Variants in ARHGAP10 observed in about 807,000 individuals in gnomAD.
The protein encoded by ARHGAP10 is Rho GTPase activating protein 10.
In ARHGAP10, 87 loss-of-function variants were observed where a neutral mutation model predicts 108.6. That is an observed-to-expected ratio of 0.80 (90% CI 0.67 to 0.96). The LOEUF is 0.96. ARHGAP10 is among the 40% of genes least tolerant of loss of function. ARHGAP10 has a pLI of 0.00. For missense variants in ARHGAP10, 939 were observed against 954.5 expected (o/e 0.98, Z 0.21); for synonymous variants, 347 against 341.1 (o/e 1.02, Z -0.19).
At chr4:147,976,744 A>G (rs1739611348) in intron 18 of ARHGAP10, among the ~76,000 whole-genome samples, 1 of 152,058 alleles carries the variant, frequency 6.6e-6, no homozygotes, top group South Asian at 2.1e-4. Flanking sequence ...GGCTCTGTAA[A>G]TGGTAGATTG....
intron 18 of ARHGAP10, among the ~76,000 whole-genome samples, chr4:147,994,685 G>T (rs914885976): frequency 6.6e-6 from 1 of 152,140 alleles, no homozygotes; most frequent in African/African-American, 2.4e-5. Context: ...GATTGAAAAT[G>T]GAATTTATTT....
At position 147,913,061 on chromosome 4, in the gene ARHGAP10, C is replaced by G; in HGVS notation, c.1163-13C>G. 1 of 1,609,976 alleles carries G rather than the reference C, an allele frequency of 6.2e-7. No homozygotes were observed. The highest frequency in any genetic ancestry group is 8.5e-7 in the Non-Finnish European group (1 of 1,176,526). On this transcript the variant is annotated splice_polypyrimidine_tract_variant and intron_variant, in intron 12 of 22. Transcript: ENST00000336498. The stretch of plus-strand genomic sequence containing the variant: ...ATAATTGTACACTTAATGTTTTAAA[C>G]TGTTTCTTGTAGATGCACAGTTGGA...
chr4:147,744,470 A>G (rs1728821891), intron 1 of ARHGAP10, among the ~76,000 whole-genome samples: 1 of 151,970 alleles, frequency 6.6e-6, no homozygotes, highest in Admixed American at 6.6e-5. Flanking sequence ...AGTTTTGTGT[A>G]GGGGAGTGGT....
chr4:147,826,057 T>A (rs1732696253), intron 3 of ARHGAP10, among the ~76,000 whole-genome samples: 1 of 151,992 alleles, frequency 6.6e-6, no homozygotes, highest in African/African-American at 2.4e-5. Context: ...TCTGGAGTGG[T>A]GAGGTGCGGA....
chr4:148,040,811 A>T (rs1728601550), intron 19 of ARHGAP10, among the ~76,000 whole-genome samples: 1 of 145,842 alleles, frequency 6.9e-6, no homozygotes, highest in African/African-American at 2.8e-5. Flanking sequence ...ATTAAAAAAG[A>T]TTTGGGGGGG....
At chr4:147,938,913 A>G (rs1738059254) in intron 13 of ARHGAP10, among the ~76,000 whole-genome samples, 1 of 152,226 alleles carries the variant, frequency 6.6e-6, no homozygotes, top group Non-Finnish European at 1.5e-5. Flanking sequence ...ATAAAAAAGT[A>G]GAGAGATTGG....
intron 18 of ARHGAP10, among the ~76,000 whole-genome samples, chr4:147,974,380 C>G (rs543174596): frequency 1.3e-5 from 2 of 152,202 alleles, no homozygotes; most frequent in South Asian, 2.1e-4. Context: ...CATCTCCCCC[C>G]ACTTCCTAAG....
chr4:147,784,032 A>G (rs1730693282), intron 1 of ARHGAP10, among the ~76,000 whole-genome samples: 1 of 139,660 alleles, frequency 7.2e-6, no homozygotes, highest in African/African-American at 2.5e-5. Flanking sequence ...TATAACACAC[A>G]TTAAATTATA....
intron 17 of ARHGAP10, 31 bp from the exon 18 acceptor site, chr4:147,966,648 TA>T (rs1560849998): frequency 2.6e-6 from 4 of 1,521,888 alleles, no homozygotes; most frequent in Non-Finnish European, 3.6e-6. Context: ...CTCCTTTGGT[TA>T]AACAGATTCC....
intron 3 of ARHGAP10, among the ~76,000 whole-genome samples, chr4:147,842,268 G>A (rs1321754942): frequency 6.6e-6 from 1 of 152,118 alleles, no homozygotes; most frequent in Non-Finnish European, 1.5e-5. Flanking sequence ...CTACTCTAGT[G>A]TTAGCCTTTG....
intron 10 of ARHGAP10, among the ~76,000 whole-genome samples, chr4:147,887,173 T>C (rs560627637): frequency 5.9e-5 from 9 of 152,260 alleles, no homozygotes; most frequent in African/African-American, 2.2e-4. Flanking sequence ...TATTTTGTTG[T>C]GAAAATAGAA....
chr4:147,784,929 T>A (rs1730816654), intron 1 of ARHGAP10, among the ~76,000 whole-genome samples: 1 of 123,836 alleles, frequency 8.1e-6, no homozygotes, highest in African/African-American at 3.0e-5. Context: ...ATAAAATATA[T>A]GTTATAAAAT....
chr4:147,902,065 T>C (rs1483924230), intron 10 of ARHGAP10, among the ~76,000 whole-genome samples: 1 of 152,216 alleles, frequency 6.6e-6, no homozygotes, highest in Non-Finnish European at 1.5e-5. Context: ...GATGGTATAT[T>C]GTAGTTGATC....
chr4:147,798,775 CTCTCTCTATATATATA>C (rs1560764838), intron 1 of ARHGAP10, among the ~76,000 whole-genome samples: 5 of 4,354 alleles, frequency 1.1e-3, no homozygotes, highest in Admixed American at 5.8e-3. Flanking sequence ...CTCTCTCTCT[CTCTCTCTATATATATA>C]TATATATATA....
At chr4:148,023,159 C>G in intron 18 of ARHGAP10, 104 bp from the exon 19 acceptor site, 2 of 1,404,400 alleles carry the variant, frequency 1.4e-6, no homozygotes, top group Non-Finnish European at 2.0e-6. Flanking sequence ...TCTAGCCTGT[C>G]TTGAATGAAC....
chr4:147,988,382 A>T (rs1740121238), intron 18 of ARHGAP10, among the ~76,000 whole-genome samples: 1 of 152,112 alleles, frequency 6.6e-6, no homozygotes, highest in South Asian at 2.1e-4. Context: ...CTTAGTCTCT[A>T]TTCTGTGCCT....
chr4:147,818,777 A>G (rs1205562690), intron 1 of ARHGAP10, among the ~76,000 whole-genome samples: 1 of 152,170 alleles, frequency 6.6e-6, no homozygotes, highest in African/African-American at 2.4e-5. Context: ...AAAGAAGAAG[A>G]CATCTATAAA....
chr4:147,897,036 C>G (rs1736020547), intron 10 of ARHGAP10, among the ~76,000 whole-genome samples: 1 of 151,892 alleles, frequency 6.6e-6, no homozygotes, highest in Non-Finnish European at 1.5e-5. Context: ...TGAAATATCT[C>G]TGTGCTAATA....
chr4:147,864,278 AG>A (rs1359587283), intron 5 of ARHGAP10: 1 of 152,378 alleles, frequency 6.6e-6, no homozygotes, highest in Non-Finnish European at 1.5e-5. Flanking sequence ...AGACGTTCTG[AG>A]GGCCGCAGAT....
Sources: allele counts gnomAD v4.1 joint callset (sites outside exome capture counted in the v4.1 genomes callset), GRCh38; gene constraint gnomAD v4.1.1; transcripts MANE v1.5; gene names NCBI Gene and HGNC (gene_info 2026-07-23, HGNC 2026-07-21).